Variants in PCDH7 observed in about 807,000 individuals in gnomAD.
PCDH7 encodes protocadherin-7.
PCDH7 carries 17 observed loss-of-function variants against 58.9 expected under a neutral mutation model. That is an observed-to-expected ratio of 0.29 (90% CI 0.20 to 0.43). PCDH7 has a LOEUF of 0.43. Among genes scored for constraint, PCDH7 ranks in the 20% least tolerant of loss-of-function variants. The pLI, the probability that PCDH7 is intolerant of heterozygous loss-of-function variation, is 1.00. For missense variants in PCDH7, 1,274 were observed against 1,441.0 expected, an observed-to-expected ratio of 0.88 and a Z score of 1.88; for synonymous variants, 664 against 616.4, an observed-to-expected ratio of 1.08 and a Z score of -1.14.
intron 3 of PCDH7, among the ~76,000 whole-genome samples, chr4:30,978,042 G>T (rs1377873663): frequency 6.6e-6 from 1 of 152,102 alleles, no homozygotes; most frequent in East Asian, 1.9e-4. Flanking sequence ...CATATTTCAT[G>T]AGTATCACTC....
At chr4:30,734,439 G>T (rs1057090947), downstream of PCDH7, among the ~76,000 whole-genome samples, 1 of 151,894 alleles carries the variant, frequency 6.6e-6, no homozygotes, top group Admixed American at 6.6e-5. Flanking sequence ...TCACCATTTC[G>T]GTCAGGCTGG....
At position 31,078,639 on chromosome 4, in the gene PCDH7, ATT is replaced by A. The variant is rs10709152; in HGVS notation, c.*8-63810_*8-63809del. On this transcript the variant is annotated intron_variant, in intron 3 of 3. Coordinates refer to the PCDH7 transcript ENST00000509759. ...ACCACAGAACCATGAACCATGCCCC[ATT>A]TTTTTTTTTTTTTTTTTTTTTTTGC... 6.9e-3 allele frequency among the ~76,000 whole-genome samples: 509 copies of A among 73,572 alleles called. 2 individuals carry two copies. The highest frequency in any genetic ancestry group is 0.026 in the Middle Eastern group (2 of 76). 48.3% of individuals were successfully genotyped at this position (73,572 alleles called of 152,430 possible).
chr4:30,899,108 G>A (rs1578215777), intron 1 of PCDH7, among the ~76,000 whole-genome samples: 1 of 152,044 alleles, frequency 6.6e-6, no homozygotes, highest in Admixed American at 6.5e-5. Context: ...TTATAGGATA[G>A]GAATGCAAAA....
At chr4:31,070,209 G>C (rs1578712473) in intron 3 of PCDH7, among the ~76,000 whole-genome samples, 1 of 151,922 alleles carries the variant, frequency 6.6e-6, no homozygotes, top group Non-Finnish European at 1.5e-5. Context: ...TTCCACCTTA[G>C]ATATTCTCAA....
intron 3 of PCDH7, among the ~76,000 whole-genome samples, chr4:30,951,764 G>A (rs188811709): frequency 4.7e-4 from 71 of 152,248 alleles, no homozygotes; most frequent in Admixed American, 1.6e-3. Flanking sequence ...GAGAGGTGGC[G>A]AAGTTGAGAG....
intron 1 of PCDH7, among the ~76,000 whole-genome samples, chr4:30,741,945 A>G (rs1429214862): frequency 6.6e-6 from 1 of 152,192 alleles, no homozygotes; most frequent in Non-Finnish European, 1.5e-5. Context: ...ATCTCATTGT[A>G]AGAACTTCAT....
intron 1 of PCDH7, among the ~76,000 whole-genome samples, chr4:30,875,725 G>T (rs1193680476): frequency 1.3e-5 from 2 of 152,022 alleles, no homozygotes; most frequent in African/African-American, 2.4e-5. Flanking sequence ...TTCCGTATTT[G>T]CTTTGTTGGG....
Position 30,738,261 on chromosome 4 carries a change from ATT to A in PCDH7, c.70+13666_70+13667del, listed in dbSNP as rs1372029668. 5.9e-5 allele frequency among the ~76,000 whole-genome samples: 9 copies of A among 152,240 alleles called. No homozygotes were observed. In the East Asian group the frequency reaches 1.7e-3, roughly 29 times the overall value. ...GAGCAAAAACACATTGGACTGGACC[ATT>A]GTTTCTTCATGAGCTTGTCTTTATT... On this transcript the variant is annotated intron_variant, in intron 1 of 3. Transcript: ENST00000509759.
chr4:31,060,907 A>G (rs1479011078), intron 3 of PCDH7, among the ~76,000 whole-genome samples: 1 of 151,722 alleles, frequency 6.6e-6, no homozygotes, highest in East Asian at 1.9e-4. Context: ...ATTAAATTTC[A>G]CTACAAATTT....
At chr4:30,885,544 G>A (rs1047074747) in intron 1 of PCDH7, among the ~76,000 whole-genome samples, 2 of 152,068 alleles carry the variant, frequency 1.3e-5, no homozygotes, top group Non-Finnish European at 2.9e-5. Flanking sequence ...GTGTGCATGT[G>A]TGTGCAGTTT....
intron 1 of PCDH7, among the ~76,000 whole-genome samples, chr4:30,853,391 T>G (rs1322256502): frequency 6.6e-6 from 1 of 152,102 alleles, no homozygotes; most frequent in African/African-American, 2.4e-5. Flanking sequence ...TTATCAAGTC[T>G]TCTAGGTGTA....
At position 30,996,899 on chromosome 4, in the gene PCDH7, G is replaced by T. The variant is rs144944166; in HGVS notation, c.*7+46684G>T. ...AACATATTATACTCTGCATTGCAAT[G>T]ATTAAATTGTTTTCTTGCTTTCAGT... On this transcript the variant is annotated intron_variant, in intron 3 of 3. Transcript: ENST00000509759. Among the ~76,000 whole-genome samples the T allele has an allele frequency of 2.5e-3, 384 of 152,208 alleles. 1 individual carries two copies. The highest frequency in any genetic ancestry group is 8.8e-3 in the African/African-American group (367 of 41,534).
chr4:31,116,826 T>C (rs1025986163), intron 3 of PCDH7, among the ~76,000 whole-genome samples: 1 of 152,070 alleles, frequency 6.6e-6, no homozygotes, highest in Non-Finnish European at 1.5e-5. Context: ...TGTGGGGTTT[T>C]TTTGTTGTTG....
intron 1 of PCDH7, among the ~76,000 whole-genome samples, chr4:30,818,254 T>C (rs931082191): frequency 2.0e-5 from 3 of 152,144 alleles, no homozygotes; most frequent in Admixed American, 6.6e-5. Flanking sequence ...ATATGTATAG[T>C]GTATGTATGT....
intron 1 of PCDH7, among the ~76,000 whole-genome samples, chr4:30,917,382 C>T (rs6821487): frequency 0.66 from 100,010 of 151,936 alleles, 32,926 homozygotes; most frequent in South Asian, 0.67. Context: ...CAAAATGAAT[C>T]TGAAGAGCTA....
intron 1 of PCDH7, among the ~76,000 whole-genome samples, chr4:30,902,410 G>T (rs1740333129): frequency 6.6e-6 from 1 of 152,020 alleles, no homozygotes; most frequent in African/African-American, 2.4e-5. Context: ...GAAGCTAAAC[G>T]TTTTTAAAAA....
chr4:30,740,570 G>T (rs574655194), intron 1 of PCDH7, among the ~76,000 whole-genome samples: 5 of 151,942 alleles, frequency 3.3e-5, no homozygotes, highest in African/African-American at 1.2e-4. Context: ...ATTGCCAATT[G>T]ATTCAGGATA....
At chr4:31,077,706 C>T (rs1216147300) in intron 3 of PCDH7, among the ~76,000 whole-genome samples, 3 of 152,044 alleles carry the variant, frequency 2.0e-5, no homozygotes, top group Non-Finnish European at 4.4e-5. Flanking sequence ...GCATTTCACC[C>T]ACCTTCTACA....
intron 3 of PCDH7, among the ~76,000 whole-genome samples, chr4:31,017,010 A>G (rs556862641): frequency 6.6e-6 from 1 of 151,966 alleles, no homozygotes; most frequent in South Asian, 2.1e-4. Flanking sequence ...CTTGTTTACA[A>G]CACTGAGCTC....
Sources: allele counts gnomAD v4.1 joint callset (sites outside exome capture counted in the v4.1 genomes callset), GRCh38; gene constraint gnomAD v4.1.1; transcripts MANE v1.5; gene names NCBI Gene and HGNC (gene_info 2026-07-23, HGNC 2026-07-21).